The following TYW1B variants were observed in gnomAD, a reference collection of about 807,000 sequenced individuals.
TYW1B encodes the protein S-adenosyl-L-methionine-dependent tRNA 4-demethylwyosine synthase TYW1B.
In TYW1B, 73 loss-of-function variants were observed where a neutral mutation model predicts 86.9. That is an observed-to-expected ratio of 0.84 (90% CI 0.70 to 1.02). TYW1B has a LOEUF of 1.02. TYW1B is among the 50% of genes least tolerant of loss of function. TYW1B has a pLI of 0.00. For missense variants in TYW1B, 637 were observed against 827.4 expected (o/e 0.77, Z 2.82); for synonymous variants, 248 against 292.8 (o/e 0.85, Z 1.56).
chr7:72,593,102 A>AGACCCGCCTGACCAACAT (rs1554431811), intron 13 of TYW1B, among the ~76,000 whole-genome samples: 7 of 151,594 alleles, frequency 4.6e-5, no homozygotes, highest in Admixed American at 4.6e-4. Context: ...CCCGAGTTCA[A>AGACCCGCCTGACCAACAT]GACCAGCCTG....
chr7:72,584,581 G>A (rs550671794), intron 13 of TYW1B, among the ~76,000 whole-genome samples: 10 of 151,602 alleles, frequency 6.6e-5, no homozygotes, highest in East Asian at 1.9e-4. Flanking sequence ...TCAGCCTCCC[G>A]AGTAGCTGGG....
chr7:72,700,001 T>C (rs1341228860), intron 10 of TYW1B, among the ~76,000 whole-genome samples: 10 of 152,036 alleles, frequency 6.6e-5, no homozygotes, highest in Non-Finnish European at 1.0e-4. Context: ...ACTAATTACA[T>C]GTGTGTGGCT....
chr7:72,647,270 A>G (rs1176069986), intron 11 of TYW1B, among the ~76,000 whole-genome samples: 1 of 152,212 alleles, frequency 6.6e-6, no homozygotes, highest in African/African-American at 2.4e-5. Context: ...TTCAGTACCA[A>G]CGTTTAGAAA....
chr7:72,761,254 A>G (rs1297223571), intron 7 of TYW1B, among the ~76,000 whole-genome samples: 1 of 152,196 alleles, frequency 6.6e-6, no homozygotes, highest in Admixed American at 6.6e-5. Flanking sequence ...TCTCATCTAT[A>G]AAACAGTTAT....
At chr7:72,692,339 T>C (rs1178459381) in intron 11 of TYW1B, among the ~76,000 whole-genome samples, 1 of 151,672 alleles carries the variant, frequency 6.6e-6, no homozygotes, top group Non-Finnish European at 1.5e-5. Context: ...AGTTTGAGAC[T>C]GTCTCTACAA....
chr7:72,658,743 C>T (rs2129569398), intron 11 of TYW1B, among the ~76,000 whole-genome samples: 1 of 152,208 alleles, frequency 6.6e-6, no homozygotes, highest in Admixed American at 6.5e-5. Context: ...TTTTTTGAGA[C>T]TGTGTCTTGC....
chr7:72,655,097 A>G (rs1813165860), intron 11 of TYW1B, among the ~76,000 whole-genome samples: 1 of 152,122 alleles, frequency 6.6e-6, no homozygotes, highest in South Asian at 2.1e-4. Flanking sequence ...CTCCTCCACA[A>G]AGAAGGACCA....
intron 11 of TYW1B, among the ~76,000 whole-genome samples, chr7:72,653,377 C>T (rs528858466): frequency 5.3e-5 from 8 of 152,022 alleles, no homozygotes; most frequent in African/African-American, 1.4e-4. Context: ...GAGGCCGAGG[C>T]GGGCGGATCA....
intron 11 of TYW1B, among the ~76,000 whole-genome samples, chr7:72,690,657 C>A (rs1261978820): frequency 7.9e-5 from 12 of 152,340 alleles, no homozygotes; most frequent in Non-Finnish European, 1.5e-4. Flanking sequence ...AATCAAATAA[C>A]AGAAGATAAC....
intron 7 of TYW1B, among the ~76,000 whole-genome samples, chr7:72,758,468 AAAAAAT>A (rs1787631817): frequency 6.6e-6 from 1 of 151,522 alleles, no homozygotes; most frequent in Non-Finnish European, 1.5e-5. Context: ...TTCTCTTAGA[AAAAAAT>A]TTTTCTCTCT....
At chr7:72,595,414 T>C (rs1190388682) in intron 13 of TYW1B, among the ~76,000 whole-genome samples, 3 of 152,174 alleles carry the variant, frequency 2.0e-5, no homozygotes. Flanking sequence ...TAGTGAGTGG[T>C]GGCTCATGCC....
chr7:72,744,946 G>C (rs1737599093), intron 7 of TYW1B, among the ~76,000 whole-genome samples: 1 of 152,166 alleles, frequency 6.6e-6, no homozygotes, highest in African/African-American at 2.4e-5. Context: ...TAAAAAATGG[G>C]GGCTGTCTGC....
intron 11 of TYW1B, among the ~76,000 whole-genome samples, chr7:72,662,422 TATATATAGATAG>T (rs1341150739): frequency 1.4e-5 from 1 of 70,014 alleles, no homozygotes; most frequent in Non-Finnish European, 3.2e-5. Flanking sequence ...TTTTAATATA[TATATATAGATAG>T]ATAGATAGAT....
intron 11 of TYW1B, among the ~76,000 whole-genome samples, chr7:72,663,736 C>T (rs1305520038): frequency 2.2e-5 from 3 of 136,144 alleles, no homozygotes; most frequent in Non-Finnish European, 4.6e-5. Flanking sequence ...TGCACTCCAG[C>T]CTGGGAGACA....
At chr7:72,827,680 T>A (rs1202049015) in intron 1 of TYW1B, among the ~76,000 whole-genome samples, 6 of 152,162 alleles carry the variant, frequency 3.9e-5, no homozygotes, top group Non-Finnish European at 8.8e-5. Flanking sequence ...AGGCTCACGG[T>A]TAAACTTGTA....
chr7:72,714,090 C>T (rs1319860983), intron 9 of TYW1B, among the ~76,000 whole-genome samples: 1 of 151,920 alleles, frequency 6.6e-6, no homozygotes, highest in Non-Finnish European at 1.5e-5. Flanking sequence ...ATTTGCTTAG[C>T]TTTGCATTCT....
At chr7:72,828,026 T>C (rs782015578) in intron 1 of TYW1B, 46 bp downstream of exon 1, 11 of 1,611,920 alleles carry the variant, frequency 6.8e-6, no homozygotes, top group African/African-American at 2.7e-5. Context: ...GTAAAACGTT[T>C]ACCTCCCCTG....
At chr7:72,750,599 T>G (rs1303195503) in intron 7 of TYW1B, among the ~76,000 whole-genome samples, 4 of 152,218 alleles carry the variant, frequency 2.6e-5, no homozygotes, top group Non-Finnish European at 4.4e-5. Flanking sequence ...TGTAGGTTGA[T>G]GTCTTTCATC....
At chr7:72,704,035 C>T (rs564258706) in intron 10 of TYW1B, among the ~76,000 whole-genome samples, 1 of 152,142 alleles carries the variant, frequency 6.6e-6, no homozygotes, top group African/African-American at 2.4e-5. Flanking sequence ...CTGTTCCTCC[C>T]GCTTTGTAGT....
Sources: gnomAD v4.1 joint callset for allele counts (sites outside exome capture counted in the v4.1 genomes callset) on GRCh38, gnomAD v4.1.1 for gene constraint, MANE v1.5 for transcripts, NCBI Gene and HGNC (gene_info 2026-07-23, HGNC 2026-07-21) for gene names.